ITGA5: variants seen among roughly 807,000 people sequenced by gnomAD.
The protein encoded by ITGA5 is integrin subunit alpha 5.
ITGA5 carries 55 observed loss-of-function variants against 146.3 expected under a neutral mutation model. The ratio of observed to expected loss-of-function variants is 0.38; its 90% CI spans 0.30 to 0.47. The LOEUF is 0.47. Ranked by LOEUF, ITGA5 falls within the 20% of genes least tolerant of loss-of-function variation. ITGA5 has a pLI of 0.99. For missense variants in ITGA5, 1,131 were observed against 1,329.0 expected, an observed-to-expected ratio of 0.85 and a Z score of 2.32; for synonymous variants, 500 against 531.8, an observed-to-expected ratio of 0.94 and a Z score of 0.82.
intron 9 of ITGA5, 115 bp from the exon 10 acceptor site, chr12:54,406,041 T>A: frequency 1.1e-6 from 1 of 870,474 alleles, no homozygotes; most frequent in African/African-American, 1.6e-5. Flanking sequence ...CGCAGACCAC[T>A]GTCCCTAGCT....
intron 1 of ITGA5, among the ~76,000 whole-genome samples, chr12:54,415,182 A>G (rs550962439): frequency 9.8e-5 from 15 of 152,304 alleles, no homozygotes; most frequent in African/African-American, 3.6e-4. Flanking sequence ...AAAGAATGAG[A>G]AAAGGAATTC....
Position 54,401,392 on chromosome 12 carries a change from G to A in ITGA5, c.2474C>T (p.Ala825Val), listed in dbSNP as rs765345142. ...CCTTACCTCATAGACATGGTGGACA[G>A]CAGGTCCCAGGTCCTCCTCCTTCTG... ...QPQKEEDLGP[A>V]VHHVYELINQ... The change falls in exon 24 of 30, where the codon GCT (alanine) becomes GTT (valine). Residue 825 changes from alanine to valine, a missense_variant. Physicochemically the swap from Ala to Val is moderately conservative, Grantham distance 64. This residue lies in a region of ITGA5 where 889 missense variants were observed against 1,021.5 expected (regional missense o/e 0.87). Coordinates refer to ENST00000293379, the MANE Select transcript of ITGA5 (RefSeq NM_002205.5). The surrounding 1 kb of genome is among the most constrained non-coding windows in gnomAD (Gnocchi z 5.0). 1.9e-6 allele frequency: 3 copies of A among 1,612,656 alleles called. No homozygotes were observed. Among genetic ancestry groups the A allele is most frequent in the Non-Finnish European group, 2.5e-6 (3 of 1,178,788 alleles).
chr12:54,404,437 C>T lies in ITGA5; in HGVS notation c.1456G>A (p.Val486Ile). ...VGSFGVDKAV[V>I]YRGRPIVSAS... Reference sequence around the variant, plus strand: ...TCCCTTTGGAGCTCATACCTGTATACCACAGCCTTGTCCACACCAAAGGAC... The same window carrying T: ...TCCCTTTGGAGCTCATACCTGTATATCACAGCCTTGTCCACACCAAAGGAC... The change falls in exon 14 of 30, where the codon GTA (valine) becomes ATA (isoleucine). Residue 486 changes from valine (V) to isoleucine (I), a missense_variant. Around this residue, in one of 3 missense-constraint regions of ITGA5, gnomAD observed 889 missense variants for 1,021.5 expected, o/e 0.87. Coordinates refer to ENST00000293379, the MANE Select transcript of ITGA5 (RefSeq NM_002205.5). 4 of 1,614,148 alleles carry T rather than the reference C, an allele frequency of 2.5e-6. No homozygotes were observed. The highest frequency in any genetic ancestry group is 3.4e-6 in the Non-Finnish European group (4 of 1,179,944).
intron 2 of ITGA5, among the ~76,000 whole-genome samples, chr12:54,410,729 T>TC (rs1955933537): frequency 6.6e-6 from 1 of 150,992 alleles, no homozygotes; most frequent in South Asian, 2.1e-4. Context: ...TGGCTAATTT[T>TC]TTTTTTTTTT....
intron 13 of ITGA5, 100 bp downstream of exon 13, chr12:54,404,603 C>G: frequency 6.7e-7 from 1 of 1,482,226 alleles, no homozygotes; most frequent in Non-Finnish European, 9.4e-7. Context: ...TGGAATTAGC[C>G]AGAACTGCAC....
chr12:54,399,543 C>G, intron 27 of ITGA5, 102 bp downstream of exon 27: 1 of 816,472 alleles, frequency 1.2e-6, no homozygotes. Flanking sequence ...GTGCTGGGTC[C>G]CATTCACCAA....
chr12:54,404,751 C>T lies in ITGA5; in HGVS notation c.1369G>A (p.Gly457Ser), dbSNP rs752673751. The T allele has an allele frequency of 1.1e-5, 18 of 1,614,132 alleles. No homozygotes were observed. The highest frequency in any genetic ancestry group is 1.5e-5 in the Non-Finnish European group (18 of 1,180,006). The change falls in exon 13 of 30, where the codon GGC becomes AGC. Residue 457 changes from glycine to serine, a missense_variant. Gly to Ser is a moderately conservative substitution (Grantham distance 56, BLOSUM62 0). Coordinates refer to ENST00000293379, the MANE Select transcript of ITGA5 (RefSeq NM_002205.5). ...TCTCGGCCTCCTCGAAGGGCAGAGC[C>T]AAAGAAGTCTGGGGTGTGGCTGGCT... Reference protein sequence around the residue: ...WAASHTPDFFGSALRGGRDLD... With the variant: ...WAASHTPDFFSSALRGGRDLD...
In ITGA5 at chr12:54,401,598, C is replaced by T. The variant is rs1955784565; in HGVS notation, c.2374G>A (p.Val792Ile). ...CCTGGCACTGACCCGTTCAGGGTGACCTGGGCCTGAGCCTCCACGGAGAGC... is the reference window on the plus strand; with the variant it reads ...CCTGGCACTGACCCGTTCAGGGTGATCTGGGCCTGAGCCTCCACGGAGAGC... ...FRLSVEAQAQ[V>I]TLNGVSKPEA... is the part of the protein sequence containing the mutation. Residue 792 changes from valine to isoleucine, a missense_variant, in exon 23 of 30, where the codon GTC becomes ATC. Physicochemically the swap from Val to Ile is conservative, Grantham distance 29 (BLOSUM62 3). This residue lies in a region of ITGA5 where 889 missense variants were observed against 1,021.5 expected (regional missense o/e 0.87). Coordinates refer to ENST00000293379, the MANE Select transcript of ITGA5 (RefSeq NM_002205.5). The surrounding 1 kb of genome is among the most constrained non-coding windows in gnomAD (Gnocchi z 5.0). The T allele has an allele frequency of 1.2e-6, 2 of 1,614,048 alleles. No homozygotes were observed. Among genetic ancestry groups the T allele is most frequent in the Non-Finnish European group, 8.5e-7 (1 of 1,180,010 alleles).
At chr12:54,404,546 G>T in intron 13 of ITGA5, 71 bp from the exon 14 acceptor site, 1 of 1,571,458 alleles carries the variant, frequency 6.4e-7, no homozygotes, top group South Asian at 1.1e-5. Flanking sequence ...AACCCCTCCT[G>T]GTTTCAACGC....
chr12:54,418,831 C>T (rs1427828282), intron 1 of ITGA5, 150 bp downstream of exon 1: 2 of 967,648 alleles, frequency 2.1e-6, no homozygotes, highest in Non-Finnish European at 1.5e-6. Context: ...GCGCGGGCCC[C>T]CAACTCTAGC....
chr12:54,401,414 T>G lies in ITGA5; in HGVS notation c.2452A>C (p.Lys818Gln). The G allele has an allele frequency of 6.2e-7, 1 of 1,613,930 alleles. No individual in the cohort carries two copies. Among genetic ancestry groups the G allele is most frequent in the Non-Finnish European group, 8.5e-7 (1 of 1,179,946 alleles). The change falls in exon 24 of 30, where the codon AAG becomes CAG. Residue 818 changes from lysine to glutamine, a missense_variant. By Grantham distance (53) the Lys-to-Gln change is moderately conservative. This residue lies in a region of ITGA5 where 889 missense variants were observed against 1,021.5 expected (regional missense o/e 0.87). Transcript: ENST00000293379. This position sits in a 1 kb window ranked among gnomAD's most constrained non-coding sequence, Gnocchi z 5.0. Reference sequence around the variant, plus strand: ...ACAGCAGGTCCCAGGTCCTCCTCCTTCTGAGGCTGGTCTCGGGGATGCCAG... The same window carrying G: ...ACAGCAGGTCCCAGGTCCTCCTCCTGCTGAGGCTGGTCTCGGGGATGCCAG... Reference protein sequence around the residue: ...SDWHPRDQPQKEEDLGPAVHH... With the variant: ...SDWHPRDQPQQEEDLGPAVHH...
chr12:54,404,524 T>C (rs1955834665), intron 13 of ITGA5, 49 bp from the exon 14 acceptor site: 1 of 1,603,914 alleles, frequency 6.2e-7, no homozygotes, highest in Non-Finnish European at 8.5e-7. Flanking sequence ...CAGATCAGGA[T>C]CCTTTCTTCC....
rs1180530936 is a variant in ITGA5 at position 54,406,262 on chromosome 12, G to A, written c.907-336C>T. 1.4e-5 allele frequency: 6 copies of A among 415,420 alleles called. No homozygotes were observed. In the Admixed American group the frequency reaches 2.1e-4, roughly 15 times the overall value. The allele number at this position is 415,420 out of a possible 1,614,324, so 25.7% of individuals were successfully genotyped here. ...CTTTCTCCTCAGAACCTAAAGTCAT[G>A]CTTGGTGAGTAGTAGGCACTCAATA... On this transcript the variant is annotated intron_variant, in intron 9 of 29. Coordinates refer to ENST00000293379, the MANE Select transcript of ITGA5 (RefSeq NM_002205.5).
intron 25 of ITGA5, chr12:54,400,461 T>C (rs1029518341): frequency 1.5e-5 from 3 of 205,740 alleles, no homozygotes; most frequent in Non-Finnish European, 2.9e-5. Flanking sequence ...TCAGTTCTGT[T>C]TGGTGCAATA....
Position 54,418,996 on chromosome 12 carries a change from C to G in ITGA5, c.203G>C (p.Arg68Pro). The change falls in exon 1 of 30, where the codon CGG (arginine) becomes CCG (proline). Residue 68 changes from arginine (R) to proline (P), a missense_variant. By Grantham distance (103) the Arg-to-Pro change is moderately radical. This residue lies in a region of ITGA5 where 175 missense variants were observed against 179.3 expected (regional missense o/e 0.98). Transcript: ENST00000293379. The part of the protein sequence containing the change: ...SFFGFSVEFY[R>P]PGTDGVSVLV... ...CCTCACTCACCCGTCTGTTCCCGGC[C>G]GGTAAAACTCCACTGAGAATCCGAA... The G allele has an allele frequency of 6.2e-7, 1 of 1,610,040 alleles. No homozygotes were observed. Among genetic ancestry groups the G allele is most frequent in the Non-Finnish European group, 8.5e-7 (1 of 1,178,792 alleles).
At chr12:54,397,249 AG>A (rs1955722689) in intron 29 of ITGA5, 115 bp downstream of exon 29, 33 of 1,124,816 alleles carry the variant, frequency 2.9e-5, no homozygotes, top group Non-Finnish European at 4.1e-5. Flanking sequence ...TAGCCAGGAC[AG>A]AGGTGGGGGC....
chr12:54,400,011 G>GGGTTCCAGAGCAGCTTCAACCTA (rs1955768047), intron 25 of ITGA5, 64 bp from the exon 26 acceptor site: 10 of 1,158,916 alleles, frequency 8.6e-6, no homozygotes, highest in African/African-American at 4.6e-5. Flanking sequence ...GCTTGCACCT[G>GGGTTCCAGAGCAGCTTCAACCTA]GGTTCCAGAG....
intron 15 of ITGA5, 79 bp downstream of exon 15, chr12:54,404,066 T>C (rs1020374064): frequency 1.3e-6 from 2 of 1,564,406 alleles, no homozygotes; most frequent in African/African-American, 2.7e-5. Context: ...CACCACCATT[T>C]TCCCCTTTTT....
chr12:54,416,230 C>T lies in ITGA5; in HGVS notation c.218+2751G>A, dbSNP rs1033987304. ...GATTACAGGTGCGTGCCAGCACGCT[C>T]GGCTAATTTTTTTATTTTTAGTAGA... On this transcript the variant is annotated intron_variant, in intron 1 of 29. Coordinates refer to ENST00000293379, the MANE Select transcript of ITGA5 (RefSeq NM_002205.5). The surrounding 1 kb of genome is among the most constrained non-coding windows in gnomAD (Gnocchi z 4.1). Among the ~76,000 whole-genome samples, 6 of 152,064 alleles carry T rather than the reference C, an allele frequency of 3.9e-5. No individual in the cohort carries two copies. Among genetic ancestry groups the T allele is most frequent in the Non-Finnish European group, 4.4e-5 (3 of 68,016 alleles).
Sources: allele counts gnomAD v4.1 joint callset (sites outside exome capture counted in the v4.1 genomes callset), GRCh38; gene constraint gnomAD v4.1.1; regional missense constraint gnomAD v4.1.1; non-coding constraint Gnocchi (gnomAD v3.1); transcripts MANE v1.5; gene names NCBI Gene and HGNC (gene_info 2026-07-23, HGNC 2026-07-21).